The following FRMD5 variants were observed in gnomAD, a reference collection of about 807,000 sequenced individuals.
The protein encoded by FRMD5 is FERM domain containing 5, also known as FERM domain-containing protein 5.
A neutral mutation model predicts 69.0 loss-of-function variants in FRMD5; 20 were observed. The observed-to-expected ratio is 0.29, with a 90% confidence interval of 0.20 to 0.42. The LOEUF is 0.42. Among genes scored for constraint, FRMD5 ranks in the 10% least tolerant of loss-of-function variants. FRMD5 has a pLI of 1.00. For missense variants in FRMD5, 595 were observed against 708.6 expected, an observed-to-expected ratio of 0.84 and a Z score of 1.82; for synonymous variants, 271 against 260.1, an observed-to-expected ratio of 1.04 and a Z score of -0.40.
intron 1 of FRMD5, among the ~76,000 whole-genome samples, chr15:44,117,884 T>C (rs2957581): frequency 0.83 from 125,956 of 152,072 alleles, 54,805 homozygotes; most frequent in Non-Finnish European, 0.95. Context: ...ACTAATAAAT[T>C]TTCCCTCACT....
intron 3 of FRMD5, 34 bp downstream of exon 3, chr15:43,919,733 G>C (rs772778713): frequency 3.2e-5 from 52 of 1,606,320 alleles, no homozygotes; most frequent in Non-Finnish European, 5.1e-6. Flanking sequence ...CTCCCCAGGG[G>C]TGTGGCTTGA....
chr15:43,892,114 G>A (rs201608398), intron 7 of FRMD5, 45 bp from the exon 8 acceptor site: 2 of 1,558,778 alleles, frequency 1.3e-6, no homozygotes, highest in East Asian at 2.3e-5. Context: ...AGGCACAGAG[G>A]TGAAAGGGTA....
intron 1 of FRMD5, among the ~76,000 whole-genome samples, chr15:44,012,074 G>A (rs1018124862): frequency 6.6e-6 from 1 of 152,118 alleles, no homozygotes; most frequent in African/African-American, 2.4e-5. Flanking sequence ...TCACTGCTAT[G>A]TGCAAATTTC....
chr15:43,934,720 A>C (rs1264441526), intron 1 of FRMD5, among the ~76,000 whole-genome samples: 1 of 152,236 alleles, frequency 6.6e-6, no homozygotes, highest in Non-Finnish European at 1.5e-5. Context: ...GCCCGCCTCC[A>C]GCCTCATAAA....
chr15:44,088,083 C>T (rs1481221367), intron 1 of FRMD5, among the ~76,000 whole-genome samples: 1 of 152,100 alleles, frequency 6.6e-6, no homozygotes, highest in Admixed American at 6.6e-5. Context: ...AGATATAGGT[C>T]CTGTTCTCCA....
chr15:44,076,089 C>A (rs1432085778), intron 1 of FRMD5, among the ~76,000 whole-genome samples: 1 of 151,322 alleles, frequency 6.6e-6, no homozygotes, highest in Non-Finnish European at 1.5e-5. Context: ...GAGTAGGTTG[C>A]GAAAATTTTC....
At chr15:43,913,747 AAG>A (rs2089331573) in intron 4 of FRMD5, among the ~76,000 whole-genome samples, 1 of 152,226 alleles carries the variant, frequency 6.6e-6, no homozygotes, top group South Asian at 2.1e-4. Context: ...AAGGAAATAG[AAG>A]TCCAGAGATG....
At chr15:44,019,686 G>A (rs1891122925) in intron 1 of FRMD5, among the ~76,000 whole-genome samples, 1 of 131,828 alleles carries the variant, frequency 7.6e-6, no homozygotes, top group Non-Finnish European at 1.5e-5. Context: ...GCAGTGAGCT[G>A]AGATTGACCC....
intron 1 of FRMD5, among the ~76,000 whole-genome samples, chr15:44,163,296 A>G (rs1262721231): frequency 1.3e-5 from 2 of 152,248 alleles, no homozygotes; most frequent in African/African-American, 2.4e-5. Flanking sequence ...CTTCTTGATT[A>G]TATTCAATGT....
intron 1 of FRMD5, among the ~76,000 whole-genome samples, chr15:44,170,176 G>T (rs1214135462): frequency 1.3e-5 from 2 of 152,036 alleles, no homozygotes; most frequent in African/African-American, 4.8e-5. Flanking sequence ...TCAGCTTCTC[G>T]AGTGGCTGGG....
intron 1 of FRMD5, among the ~76,000 whole-genome samples, chr15:43,943,358 G>A (rs2089893390): frequency 6.6e-6 from 1 of 152,174 alleles, no homozygotes; most frequent in Admixed American, 6.5e-5. Context: ...GGGATTACAG[G>A]CGAGAGCCAT....
chr15:44,094,361 T>A (rs2076520530), intron 1 of FRMD5, among the ~76,000 whole-genome samples: 1 of 152,210 alleles, frequency 6.6e-6, no homozygotes, highest in African/African-American at 2.4e-5. Context: ...GAGGCCCAGC[T>A]GCTCCCATTC....
At chr15:44,056,946 C>T (rs1466241410) in intron 1 of FRMD5, among the ~76,000 whole-genome samples, 1 of 152,116 alleles carries the variant, frequency 6.6e-6, no homozygotes, top group Non-Finnish European at 1.5e-5. Context: ...GATTCTCCTA[C>T]CACTTCCAAA....
At chr15:43,936,694 A>G (rs891716098) in intron 1 of FRMD5, among the ~76,000 whole-genome samples, 1 of 151,014 alleles carries the variant, frequency 6.6e-6, no homozygotes, top group Non-Finnish European at 1.5e-5. Context: ...TTCACTTCAG[A>G]ATCGGTCTGC....
At chr15:44,059,967 A>G (rs981829119) in intron 1 of FRMD5, among the ~76,000 whole-genome samples, 6 of 152,254 alleles carry the variant, frequency 3.9e-5, no homozygotes, top group Non-Finnish European at 8.8e-5. Flanking sequence ...AAAAATAGCC[A>G]AAAGTGCTAA....
chr15:43,980,842 T>C (rs915470877), intron 1 of FRMD5, among the ~76,000 whole-genome samples: 6 of 152,152 alleles, frequency 3.9e-5, no homozygotes, highest in Admixed American at 3.9e-4. Context: ...GTGTATTCAT[T>C]ATACAATTGA....
chr15:43,961,300 C>G (rs569583824), intron 1 of FRMD5, among the ~76,000 whole-genome samples: 15 of 152,192 alleles, frequency 9.9e-5, no homozygotes, highest in African/African-American at 1.9e-4. Flanking sequence ...ACTAGAAAAT[C>G]TAGAAGAAAT....
At chr15:43,921,201 G>A (rs182406822) in intron 2 of FRMD5, among the ~76,000 whole-genome samples, 58 of 152,346 alleles carry the variant, frequency 3.8e-4, no homozygotes, top group African/African-American at 1.3e-3. Flanking sequence ...CTGTGAAGAC[G>A]GAGGAGGCCT....
rs3040924 is a variant in FRMD5, at chr15:44,092,927, C to CTTT, written c.102+102023_102+102025dup. ...ATTGTATATTTGTTCTATCCTCTGC[C>CTTT]TTTTTTTTTTTTTTTTTTTTTTTGA... is the stretch of plus-strand genomic sequence containing the variant. On this transcript the variant is annotated intron_variant, in intron 1 of 13. Transcript: ENST00000417257. 1.3e-3 allele frequency among the ~76,000 whole-genome samples: 100 copies of CTTT among 79,414 alleles called. 4 individuals carry two copies. The highest frequency in any genetic ancestry group is 4.3e-3 in the African/African-American group (90 of 21,168). 52.1% of individuals were successfully genotyped at this position (79,414 alleles called of 152,430 possible). A position where few individuals can be genotyped will look rare whatever the true frequency, so the allele number is the denominator to read the frequency against.
Sources: gnomAD v4.1 joint callset for allele counts (sites outside exome capture counted in the v4.1 genomes callset) on GRCh38, gnomAD v4.1.1 for gene constraint, MANE v1.5 for transcripts, NCBI Gene and HGNC (gene_info 2026-07-23, HGNC 2026-07-21) for gene names.